The following EZR variants were observed in gnomAD, a reference collection of about 807,000 sequenced individuals.
EZR encodes the protein cytovillin 2.
Under a neutral mutation model 74.8 loss-of-function variants are expected in EZR, and 40 were observed. The ratio of observed to expected loss-of-function variants is 0.53; its 90% confidence interval spans 0.42 to 0.70. EZR has a LOEUF of 0.70. Ranked by LOEUF, EZR falls within the 30% of genes least tolerant of loss-of-function variation. The pLI is 0.00. For missense variants in EZR, 678 were observed against 755.8 expected, an observed-to-expected ratio of 0.90 and a Z score of 1.21; for synonymous variants, 341 against 283.3, an observed-to-expected ratio of 1.20 and a Z score of -2.05.
chr6:158,813,716 T>G (rs1777495484), intron 2 of EZR, among the ~76,000 whole-genome samples: 1 of 152,232 alleles, frequency 6.6e-6, no homozygotes, highest in South Asian at 2.1e-4. Context: ...TTTGGCACAG[T>G]AGAAATGTGA....
At chr6:158,778,534 G>C (rs1476203434) in intron 7 of EZR, among the ~76,000 whole-genome samples, 3 of 152,184 alleles carry the variant, frequency 2.0e-5, no homozygotes, top group Non-Finnish European at 2.9e-5. Flanking sequence ...ATCACATATA[G>C]GACATGAACA....
rs768436026 is a variant in EZR, at chr6:158,784,665, G to A, written c.530C>T (p.Ala177Val). 3.1e-6 allele frequency: 5 copies of A among 1,614,034 alleles called. No homozygotes were observed. The highest frequency in any genetic ancestry group is 4.2e-6 in the Non-Finnish European group (5 of 1,179,924). Residue 177 changes from alanine (A) to valine (V), a missense_variant, in exon 6 of 14, where the codon GCG becomes GTG. Transcript: ENST00000367075. ...TCACTTGAGCATCCCACGGTGTTCC[G>A]CATGCCACACCTGGATCCGGTCCTC... ...QWEDRIQVWH[A>V]EHRGMLKDNA... is the part of the protein sequence containing the mutation.
intron 2 of EZR, among the ~76,000 whole-genome samples, chr6:158,792,596 G>C (rs903645499): frequency 1.3e-5 from 2 of 151,540 alleles, no homozygotes; most frequent in South Asian, 4.2e-4. Context: ...GAGGAGGGCA[G>C]ATCACGAGGT....
chr6:158,803,883 C>G (rs1777272141), intron 2 of EZR, among the ~76,000 whole-genome samples: 1 of 151,576 alleles, frequency 6.6e-6, no homozygotes, highest in African/African-American at 2.4e-5. Flanking sequence ...AAAATCATGA[C>G]CTTAGAACTA....
At chr6:158,789,254 T>C in intron 3 of EZR, 34 bp downstream of exon 3, 1 of 1,520,922 alleles carries the variant, frequency 6.6e-7, no homozygotes, top group Non-Finnish European at 9.1e-7. Context: ...TTTTTTTTTG[T>C]AGGTGGAGTT....
chr6:158,811,930 T>TAAAAGAA (rs1554275584), intron 2 of EZR, among the ~76,000 whole-genome samples: 1 of 150,682 alleles, frequency 6.6e-6, no homozygotes. Context: ...GTGGAAGGAA[T>TAAAAGAA]AAAAGAGGAA....
chr6:158,781,747 G>GTTACTGTATC (rs56109661), intron 7 of EZR, among the ~76,000 whole-genome samples: 1 of 151,654 alleles, frequency 6.6e-6, no homozygotes, highest in South Asian at 2.1e-4. Context: ...CTGGTTCCAA[G>GTTACTGTATC]TACCCACTTT....
chr6:158,785,205 T>C (rs1791541793), intron 5 of EZR, 104 bp downstream of exon 5: 17 of 1,421,596 alleles, frequency 1.2e-5, no homozygotes, highest in Non-Finnish European at 1.6e-5. Context: ...CACTTGACAC[T>C]GGCGAAGTCC....
At chr6:158,800,805 G>GA (rs918399670) in intron 2 of EZR, among the ~76,000 whole-genome samples, 112 of 150,830 alleles carry the variant, frequency 7.4e-4, no homozygotes, top group African/African-American at 2.4e-3. Flanking sequence ...GTCTCAAAAA[G>GA]AAAAAAAAAT....
intron 2 of EZR, among the ~76,000 whole-genome samples, chr6:158,811,240 G>A (rs772572964): frequency 6.6e-6 from 1 of 152,086 alleles, no homozygotes; most frequent in Non-Finnish European, 1.5e-5. Flanking sequence ...GAGTACTTGG[G>A]GAGTCTCAAG....
In EZR at chr6:158,775,023, C is replaced by T. The variant is rs946568914; in HGVS notation, c.795+1385G>A. Among the ~76,000 whole-genome samples the T allele has an allele frequency of 1.4e-4, 21 of 145,608 alleles. 1 individual carries two copies. Among genetic ancestry groups the T allele is most frequent in the African/African-American group, 5.1e-4 (20 of 38,942 alleles). ...AGAGTAGCAGCCAAGAGTTTGCAAA[C>T]AGCAGGAGCCCTTTTTTTTTTTTTT... On this transcript the variant is annotated intron_variant, in intron 8 of 13. Coordinates refer to ENST00000367075, the MANE Select transcript of EZR (RefSeq NM_001111077.2).
At chr6:158,800,100 A>T (rs1209096992) in intron 2 of EZR, among the ~76,000 whole-genome samples, 1 of 152,232 alleles carries the variant, frequency 6.6e-6, no homozygotes. Flanking sequence ...TATAAATAAC[A>T]TTCTTTCAAG....
At chr6:158,809,500 C>G (rs1777408638) in intron 2 of EZR, among the ~76,000 whole-genome samples, 4 of 152,182 alleles carry the variant, frequency 2.6e-5, no homozygotes. Flanking sequence ...ACACAAAGAC[C>G]CACCCAAACA....
Position 158,818,151 on chromosome 6 carries a change from A to T in EZR, c.-58T>A. 6.3e-7 allele frequency: 1 copy of T among 1,598,592 alleles called. No individual in the cohort carries two copies. Among genetic ancestry groups the T allele is most frequent in the Non-Finnish European group, 8.6e-7 (1 of 1,169,354 alleles). ...AAAACACGACTATCCAGCAGCAGCG[A>T]AGACGCTGTCCCAACCTGGAGTCAG... On this transcript the variant is annotated 5_prime_UTR_variant, in exon 2 of 14. Transcript: ENST00000367075.
intron 8 of EZR, among the ~76,000 whole-genome samples, chr6:158,773,899 C>T (rs1198142914): frequency 6.6e-6 from 1 of 152,238 alleles, no homozygotes; most frequent in African/African-American, 2.4e-5. Context: ...ATAGTGTCAC[C>T]TGGGCAGGCC....
At chr6:158,771,200 T>C (rs776787260) in intron 9 of EZR, 44 bp downstream of exon 9, 73 of 1,565,222 alleles carry the variant, frequency 4.7e-5, no homozygotes, top group Admixed American at 1.7e-4. Flanking sequence ...AGTGGCTGAG[T>C]TGGGAGAACA....
intron 2 of EZR, among the ~76,000 whole-genome samples, chr6:158,792,782 T>G (rs1338838584): frequency 3.4e-5 from 5 of 145,332 alleles, no homozygotes; most frequent in Non-Finnish European, 7.5e-5. Context: ...GCCACTGCAC[T>G]CCAGCCTGGG....
At chr6:158,787,429 A>AGATTCAG (rs771242290) in intron 3 of EZR, among the ~76,000 whole-genome samples, 7 of 152,226 alleles carry the variant, frequency 4.6e-5, no homozygotes, top group Admixed American at 1.3e-4. Flanking sequence ...AAATTTGAGC[A>AGATTCAG]GATTCAGGGT....
At chr6:158,819,011 C>G (rs1221889102) in intron 1 of EZR, among the ~76,000 whole-genome samples, 1 of 152,174 alleles carries the variant, frequency 6.6e-6, no homozygotes, top group African/African-American at 2.4e-5. Context: ...TCACAACCGT[C>G]AAGCCTTTGA....
Sources: allele counts gnomAD v4.1 joint callset (sites outside exome capture counted in the v4.1 genomes callset), GRCh38; gene constraint gnomAD v4.1.1; transcripts MANE v1.5; gene names NCBI Gene and HGNC (gene_info 2026-07-23, HGNC 2026-07-21).